The following PTPRD variants were observed in gnomAD, a reference collection of about 807,000 sequenced individuals.
PTPRD encodes protein tyrosine phosphatase receptor type D, also known as receptor-type tyrosine-protein phosphatase delta.
In PTPRD, 34 loss-of-function variants were observed where a neutral mutation model predicts 214.5. That is an observed-to-expected ratio of 0.16 (90% CI 0.12 to 0.21). PTPRD has a LOEUF of 0.21. PTPRD is among the 10% of genes least tolerant of loss of function. The pLI is 1.00. For synonymous variants in PTPRD, 1,128 were observed against 845.7 expected (o/e 1.33, Z -5.79); for missense variants, 2,545 against 2,398.7 (o/e 1.06, Z -1.27).
chr9:10,256,074 G>A (rs1322854535), intron 3 of PTPRD, among the ~76,000 whole-genome samples: 1 of 152,208 alleles, frequency 6.6e-6, no homozygotes, highest in Non-Finnish European at 1.5e-5. Context: ...TATGTGAGGA[G>A]TCTAGGTGTG....
rs80228459 is a variant in PTPRD at position 8,566,024 on chromosome 9, T to C, written c.353-37245A>G. On this transcript the variant is annotated intron_variant, in intron 14 of 45. Coordinates refer to ENST00000381196, the MANE Select transcript of PTPRD (RefSeq NM_002839.4). ...TATAAACCAGGGCTCCCAGGTAAGC[T>C]GGTATAGAACAAAATCACCAGTGGA... 5.0e-3 allele frequency among the ~76,000 whole-genome samples: 764 copies of C among 151,658 alleles called. 2 individuals carry two copies. The highest frequency in any genetic ancestry group is 0.02 in the Middle Eastern group (6 of 294).
chr9:10,495,332 G>T (rs1326903137), intron 2 of PTPRD, among the ~76,000 whole-genome samples: 2 of 151,780 alleles, frequency 1.3e-5, no homozygotes, highest in Non-Finnish European at 3.0e-5. Flanking sequence ...GGAAAGACTG[G>T]AGCTTAAATA....
intron 14 of PTPRD, among the ~76,000 whole-genome samples, chr9:8,630,040 A>G (rs899518561): frequency 2.0e-5 from 3 of 151,808 alleles, no homozygotes; most frequent in Admixed American, 6.6e-5. Flanking sequence ...AGATATTTGA[A>G]TCTCCAATTA....
At chr9:9,556,852 C>T (rs1044206937) in intron 8 of PTPRD, among the ~76,000 whole-genome samples, 6 of 152,188 alleles carry the variant, frequency 3.9e-5, no homozygotes, top group East Asian at 3.9e-4. Context: ...AGGGTCCTTT[C>T]GTTATCAGAA....
At chr9:8,514,620 T>C (rs2097752928) in intron 21 of PTPRD, among the ~76,000 whole-genome samples, 1 of 152,112 alleles carries the variant, frequency 6.6e-6, no homozygotes. Context: ...AAGTTATGTA[T>C]AATTCTTAGA....
At chr9:9,934,307 G>T (rs1006296232) in intron 5 of PTPRD, among the ~76,000 whole-genome samples, 14 of 151,004 alleles carry the variant, frequency 9.3e-5, no homozygotes, top group Non-Finnish European at 1.8e-4. Context: ...TTTTTGAAAA[G>T]ATCAACAAAA....
chr9:10,462,687 T>C (rs919588497), intron 2 of PTPRD, among the ~76,000 whole-genome samples: 1 of 151,268 alleles, frequency 6.6e-6, no homozygotes, highest in African/African-American at 2.4e-5. Context: ...TGGAAGTGCA[T>C]TGAGAAGGAA....
chr9:8,808,937 G>C (rs970785946), intron 11 of PTPRD, among the ~76,000 whole-genome samples: 3 of 152,046 alleles, frequency 2.0e-5, no homozygotes, highest in Non-Finnish European at 4.4e-5. Context: ...TCACAAAGAT[G>C]AAATAACACT....
intron 14 of PTPRD, among the ~76,000 whole-genome samples, chr9:8,548,050 A>G (rs1484369906): frequency 6.6e-6 from 1 of 152,220 alleles, no homozygotes; most frequent in Non-Finnish European, 1.5e-5. Flanking sequence ...AAGGGAGCAC[A>G]GGGGTGAATA....
intron 3 of PTPRD, among the ~76,000 whole-genome samples, chr9:10,163,768 T>G (rs1221421372): frequency 6.6e-6 from 1 of 151,438 alleles, no homozygotes; most frequent in Non-Finnish European, 1.5e-5. Context: ...GAAAATCAAG[T>G]GTACCTGGAT....
intron 14 of PTPRD, among the ~76,000 whole-genome samples, chr9:8,548,676 ATTTTTTTTTTTTTTTTT>A (rs71317369): frequency 1.0e-3 from 43 of 41,122 alleles, no homozygotes; most frequent in Admixed American, 5.8e-3. Flanking sequence ...CTGGAGCTGG[ATTTTTTTTTTTTTTTTT>A]TTTTTTTTTT....
chr9:8,537,802 C>T (rs1312960422), intron 14 of PTPRD, among the ~76,000 whole-genome samples: 1 of 151,978 alleles, frequency 6.6e-6, no homozygotes, highest in Admixed American at 6.6e-5. Context: ...GCAATGCATG[C>T]AATCATCCTA....
intron 5 of PTPRD, among the ~76,000 whole-genome samples, chr9:9,878,464 G>A (rs2067571401): frequency 6.6e-6 from 1 of 152,172 alleles, no homozygotes; most frequent in Non-Finnish European, 1.5e-5. Context: ...TCATCTAAGT[G>A]AAGACTTAAA....
intron 5 of PTPRD, among the ~76,000 whole-genome samples, chr9:9,907,750 A>G (rs1443487030): frequency 1.3e-5 from 2 of 151,960 alleles, no homozygotes; most frequent in Admixed American, 6.6e-5. Context: ...CACCATTTAC[A>G]CAATTAATCA....
chr9:10,014,437 C>G (rs1048610235), intron 4 of PTPRD, among the ~76,000 whole-genome samples: 3 of 151,986 alleles, frequency 2.0e-5, no homozygotes, highest in Admixed American at 6.6e-5. Context: ...ATGAAGCATT[C>G]TAGGTGCATT....
At chr9:9,096,424 GT>G (rs1250348846) in intron 10 of PTPRD, among the ~76,000 whole-genome samples, 1 of 152,118 alleles carries the variant, frequency 6.6e-6, no homozygotes, top group African/African-American at 2.4e-5. Context: ...CGACATTTTG[GT>G]TAAACTCCAG....
At chr9:9,652,750 G>C (rs1299906861) in intron 7 of PTPRD, among the ~76,000 whole-genome samples, 1 of 151,688 alleles carries the variant, frequency 6.6e-6, no homozygotes, top group Non-Finnish European at 1.5e-5. Flanking sequence ...AAGTAGCTGG[G>C]ATTACAGGTA....
intron 10 of PTPRD, among the ~76,000 whole-genome samples, chr9:9,167,328 T>TGTG (rs2099906225): frequency 1.4e-5 from 2 of 145,588 alleles, no homozygotes; most frequent in African/African-American, 5.1e-5. Context: ...TATATGGGGT[T>TGTG]TGTGTGTGTG....
chr9:9,668,297 C>T (rs942458374), intron 7 of PTPRD, among the ~76,000 whole-genome samples: 4 of 152,146 alleles, frequency 2.6e-5, no homozygotes, highest in Non-Finnish European at 4.4e-5. Flanking sequence ...CCTGAATGGT[C>T]TTCAGCAAGT....
Sources: gnomAD v4.1 joint callset for allele counts (sites outside exome capture counted in the v4.1 genomes callset) on GRCh38, gnomAD v4.1.1 for gene constraint, MANE v1.5 for transcripts, NCBI Gene and HGNC (gene_info 2026-07-23, HGNC 2026-07-21) for gene names.